TBC1D32: variants seen among roughly 807,000 people sequenced by gnomAD.
TBC1D32 encodes protein broad-minded.
Under a neutral mutation model 170.3 loss-of-function variants are expected in TBC1D32, and 151 were observed. The observed-to-expected ratio is 0.89, with a 90% confidence interval of 0.78 to 1.01. The LOEUF is 1.01. Among genes scored for constraint, TBC1D32 ranks in the 50% least tolerant of loss-of-function variants. The pLI is 0.00. For synonymous variants in TBC1D32, 498 were observed against 488.0 expected, an observed-to-expected ratio of 1.02 and a Z score of -0.27; for missense variants, 1,464 against 1,457.1, an observed-to-expected ratio of 1.00 and a Z score of -0.08.
intron 1 of TBC1D32, among the ~76,000 whole-genome samples, chr6:121,333,231 A>G (rs1400260001): frequency 6.6e-6 from 1 of 152,178 alleles, no homozygotes; most frequent in African/African-American, 2.4e-5. Context: ...GGTTAAAAAC[A>G]TTAGTAATAA....
chr6:121,187,773 A>AG (rs2128281838), intron 22 of TBC1D32, among the ~76,000 whole-genome samples: 1 of 136,798 alleles, frequency 7.3e-6, no homozygotes, highest in East Asian at 2.1e-4. Context: ...AAAAAAAAAA[A>AG]GTCCTACAGT....
intron 19 of TBC1D32, among the ~76,000 whole-genome samples, chr6:121,240,853 C>T (rs1206698928): frequency 2.5e-4 from 30 of 119,664 alleles, no homozygotes; most frequent in Admixed American, 2.2e-4. Flanking sequence ...CCAGCCTGGG[C>T]GACAAAAGTG....
intron 15 of TBC1D32, among the ~76,000 whole-genome samples, chr6:121,259,447 T>C (rs1372070795): frequency 6.6e-6 from 1 of 152,122 alleles, no homozygotes; most frequent in African/African-American, 2.4e-5. Flanking sequence ...TTGGAACTCA[T>C]GACAAAGAAT....
chr6:121,218,228 G>C (rs1031572444), intron 21 of TBC1D32, among the ~76,000 whole-genome samples: 4 of 152,140 alleles, frequency 2.6e-5, no homozygotes, highest in African/African-American at 9.7e-5. Context: ...AAAGAAGGAA[G>C]AGAACAAGAA....
intron 24 of TBC1D32, among the ~76,000 whole-genome samples, chr6:121,137,692 AAG>A (rs1373737207): frequency 1.3e-5 from 2 of 151,856 alleles, no homozygotes; most frequent in Non-Finnish European, 2.9e-5. Context: ...TACAGGAAAA[AAG>A]AGTATATTAA....
At chr6:121,084,104 C>G (rs1452945201) in intron 31 of TBC1D32, among the ~76,000 whole-genome samples, 1 of 152,106 alleles carries the variant, frequency 6.6e-6, no homozygotes, top group South Asian at 2.1e-4. Context: ...TTTACCCCAT[C>G]AAGGGTGGTC....
At chr6:121,333,979 A>T (rs1007295030) in intron 1 of TBC1D32, among the ~76,000 whole-genome samples, 15 of 152,174 alleles carry the variant, frequency 9.9e-5, no homozygotes, top group African/African-American at 3.6e-4. Flanking sequence ...AGGCTGGAGA[A>T]TCGCTTGAAC....
chr6:121,232,338 T>A (rs1795846122), intron 20 of TBC1D32, among the ~76,000 whole-genome samples: 1 of 152,152 alleles, frequency 6.6e-6, no homozygotes, highest in South Asian at 2.1e-4. Flanking sequence ...TGTAAAATAA[T>A]GTGAAGTTGG....
chr6:121,113,608 G>A (rs117718978), intron 27 of TBC1D32, among the ~76,000 whole-genome samples: 104 of 152,160 alleles, frequency 6.8e-4, no homozygotes, highest in East Asian at 5.2e-3. Flanking sequence ...AGTGACTAGG[G>A]GGCACTACTG....
chr6:121,221,194 A>G (rs1461136470), intron 21 of TBC1D32, among the ~76,000 whole-genome samples: 2 of 152,196 alleles, frequency 1.3e-5, no homozygotes, highest in Non-Finnish European at 2.9e-5. Flanking sequence ...AAAATAAAGT[A>G]AATGACAGTA....
chr6:121,152,430 AT>A (rs1195030724), intron 24 of TBC1D32, among the ~76,000 whole-genome samples: 11 of 151,928 alleles, frequency 7.2e-5, no homozygotes. Context: ...CTGCCTTAAA[AT>A]TTTTTCCTTT....
chr6:121,238,215 A>G (rs1255091537), intron 20 of TBC1D32, among the ~76,000 whole-genome samples: 1 of 152,118 alleles, frequency 6.6e-6, no homozygotes, highest in Admixed American at 6.6e-5. Flanking sequence ...CAAGCATTTT[A>G]GATTTCTATC....
At chr6:121,257,787 G>A (rs199881472) in intron 15 of TBC1D32, among the ~76,000 whole-genome samples, 1 of 144,542 alleles carries the variant, frequency 6.9e-6, no homozygotes, top group African/African-American at 2.5e-5. Context: ...TTCTCAAATT[G>A]TCCATCTTAA....
chr6:121,236,792 T>C (rs764067952), intron 20 of TBC1D32, among the ~76,000 whole-genome samples: 1 of 152,088 alleles, frequency 6.6e-6, no homozygotes, highest in East Asian at 1.9e-4. Context: ...TTGAACCATA[T>C]AGATTGATTT....
At chr6:121,183,595 A>C (rs1316436551) in intron 22 of TBC1D32, among the ~76,000 whole-genome samples, 6 of 152,104 alleles carry the variant, frequency 3.9e-5, no homozygotes. Flanking sequence ...CTTGTGCTAC[A>C]CATAAGTATG....
chr6:121,124,414 T>C (rs1016941040), intron 26 of TBC1D32, among the ~76,000 whole-genome samples: 1 of 152,124 alleles, frequency 6.6e-6, no homozygotes, highest in Non-Finnish European at 1.5e-5. Flanking sequence ...TGGAGCTCCC[T>C]AATATATTAT....
intron 5 of TBC1D32, among the ~76,000 whole-genome samples, chr6:121,306,550 A>T: frequency 6.6e-6 from 1 of 152,160 alleles, no homozygotes. Context: ...TCTATGCCAA[A>T]CATCATATCG....
chr6:121,275,534 G>T (rs1802096677), intron 15 of TBC1D32, among the ~76,000 whole-genome samples: 1 of 152,060 alleles, frequency 6.6e-6, no homozygotes, highest in Non-Finnish European at 1.5e-5. Context: ...AATCAAATAA[G>T]TAAATATAAA....
chr6:121,247,569 A>G (rs1797765544), intron 17 of TBC1D32, among the ~76,000 whole-genome samples: 1 of 151,850 alleles, frequency 6.6e-6, no homozygotes. Flanking sequence ...TGTCTTCAAG[A>G]GACTCACTTA....
Sources: gnomAD v4.1 joint callset for allele counts (sites outside exome capture counted in the v4.1 genomes callset) on GRCh38, gnomAD v4.1.1 for gene constraint, MANE v1.5 for transcripts, NCBI Gene and HGNC (gene_info 2026-07-23, HGNC 2026-07-21) for gene names.